Variants in RIC1 observed in about 807,000 individuals in gnomAD.
RIC1 encodes the protein guanine nucleotide exchange factor subunit RIC1.
Under a neutral mutation model 169.0 loss-of-function variants are expected in RIC1, and 88 were observed. That is an observed-to-expected ratio of 0.52 (90% CI 0.44 to 0.62). The LOEUF (loss-of-function observed/expected upper bound fraction) is 0.62, where lower values mean the gene tolerates loss of function less well. RIC1 is among the 20% of genes least tolerant of loss of function. The probability of loss-of-function intolerance (pLI) is 0.00; values close to 1 mark genes in which losing one functional copy is unlikely to be tolerated. For synonymous variants in RIC1, 790 were observed against 601.5 expected, an observed-to-expected ratio of 1.31 and a Z score of -4.59; for missense variants, 1,877 against 1,725.5, an observed-to-expected ratio of 1.09 and a Z score of -1.56.
At position 5,754,904 on chromosome 9, in the gene RIC1, T is replaced by A. The variant is rs773357860; in HGVS notation, c.1666T>A (p.Tyr556Asn). 1 of 1,562,874 alleles carries A rather than the reference T, an allele frequency of 6.4e-7. No homozygotes were observed. The highest frequency in any genetic ancestry group is 8.7e-7 in the Non-Finnish European group (1 of 1,147,028). The change falls in exon 15 of 26, where the codon TAT becomes AAT. Residue 556 changes from tyrosine (Y) to asparagine (N), a missense_variant. Transcript: ENST00000414202. Reference protein sequence around the residue: ...WWNDFMVLACYNINDRQEELR... With the variant: ...WWNDFMVLACNNINDRQEELR... ...GAATGATTTTATGGTCCTTGCGTGT[T>A]ATAACATAAATGACCGTCAAGAAGA...
At chr9:5,647,969 TG>T (rs71326179) in intron 1 of RIC1, among the ~76,000 whole-genome samples, 15,030 of 143,150 alleles carry the variant, frequency 0.1, 1,207 homozygotes, top group African/African-American at 0.23. Context: ...GTGGTGGTGG[TG>T]GTGATGGTGG....
At chr9:5,644,632 T>C (rs1586870743) in intron 1 of RIC1, among the ~76,000 whole-genome samples, 1 of 152,226 alleles carries the variant, frequency 6.6e-6, no homozygotes, top group Admixed American at 6.5e-5. Context: ...TATTTGCATA[T>C]GCCGCATTTC....
At chr9:5,766,007 C>T (rs1023491992) in intron 21 of RIC1, among the ~76,000 whole-genome samples, 13 of 152,148 alleles carry the variant, frequency 8.5e-5, no homozygotes, top group African/African-American at 2.9e-4. Flanking sequence ...GTTTCTGCCC[C>T]TTTTTCTGGA....
At chr9:5,686,920 T>C (rs1821283862) in intron 2 of RIC1, among the ~76,000 whole-genome samples, 1 of 152,184 alleles carries the variant, frequency 6.6e-6, no homozygotes, top group Admixed American at 6.5e-5. Context: ...ATTCAACTGA[T>C]ATTATTTATT....
rs573207878 is a variant in RIC1 at position 5,740,393 on chromosome 9, C to G, written c.901+1855C>G. The stretch of plus-strand genomic sequence containing the variant: ...ACTCCATCCTTAATATTCTGTACCT[C>G]TAGAATCACTCCTGGTACCAATATC... On this transcript the variant is annotated intron_variant, in intron 8 of 25. Coordinates refer to ENST00000414202, the MANE Select transcript of RIC1 (RefSeq NM_020829.4). 3.9e-5 allele frequency among the ~76,000 whole-genome samples: 6 copies of G among 152,092 alleles called. No individual in the cohort carries two copies. In the South Asian group the frequency reaches 8.3e-4, roughly 21 times the overall value.
At chr9:5,694,038 C>T (rs566269566) in intron 3 of RIC1, among the ~76,000 whole-genome samples, 1 of 152,250 alleles carries the variant, frequency 6.6e-6, no homozygotes, top group East Asian at 1.9e-4. Context: ...CCTCTTCCCC[C>T]TCCACCCTCC....
intron 2 of RIC1, among the ~76,000 whole-genome samples, chr9:5,657,948 T>C (rs1225017943): frequency 1.3e-5 from 2 of 152,160 alleles, no homozygotes; most frequent in African/African-American, 4.8e-5. Context: ...CTGATTTATG[T>C]ATTGTCTGTA....
At chr9:5,634,377 G>A (rs902932686) in intron 1 of RIC1, among the ~76,000 whole-genome samples, 1 of 152,082 alleles carries the variant, frequency 6.6e-6, no homozygotes, top group African/African-American at 2.4e-5. Flanking sequence ...TTTTCTCCAC[G>A]TCTTTGCCGA....
At position 5,763,070 on chromosome 9, in the gene RIC1, A is replaced by G. The variant is rs989174225; in HGVS notation, c.2113-70A>G. The G allele has an allele frequency of 7.2e-6, 11 of 1,522,604 alleles. No individual in the cohort carries two copies. The highest frequency in any genetic ancestry group is 9.7e-6 in the Non-Finnish European group (11 of 1,130,784). 94.3% of individuals were successfully genotyped at this position (1,522,604 alleles called of 1,614,324 possible). ...TATCATTTGAAAGACTTAGTAAACT[A>G]GTACCTAGGAACTTAAGAACCTGCA... is the stretch of plus-strand genomic sequence containing the variant. On this transcript the variant is annotated intron_variant, in intron 18 of 25. Coordinates refer to ENST00000414202, the MANE Select transcript of RIC1 (RefSeq NM_020829.4). The surrounding 1 kb of genome is among the most constrained non-coding windows in gnomAD (Gnocchi z 5.2).
intron 4 of RIC1, among the ~76,000 whole-genome samples, chr9:5,717,351 T>C (rs1334066031): frequency 6.6e-6 from 1 of 152,142 alleles, no homozygotes; most frequent in Non-Finnish European, 1.5e-5. Context: ...AGGGAGAATG[T>C]AGTTTGGAAT....
intron 3 of RIC1, among the ~76,000 whole-genome samples, chr9:5,697,315 G>A (rs1034401577): frequency 1.3e-5 from 2 of 152,138 alleles, no homozygotes; most frequent in African/African-American, 4.8e-5. Flanking sequence ...GGTGACTTCT[G>A]CCAGAAAACC....
Position 5,772,904 on chromosome 9 carries a change from C to T in RIC1, c.3807C>T (p.His1269=), listed in dbSNP as rs376399231. Residue 1269 remains histidine (H), a synonymous_variant, in exon 25 of 26, where the codon CAC becomes CAT. Transcript: ENST00000414202. ...KSQVQLRYLL[H]IFMEAGCLDW... Reference sequence around the variant, plus strand: ...TGCTTATATTTAGGTATTTGCTACACATTTTCATGGAGGCAGGGTGCCTAG... The same window carrying T: ...TGCTTATATTTAGGTATTTGCTACATATTTTCATGGAGGCAGGGTGCCTAG... 7.1e-5 allele frequency: 114 copies of T among 1,611,092 alleles called. No individual in the cohort carries two copies. The highest frequency in any genetic ancestry group is 9.3e-5 in the Non-Finnish European group (110 of 1,178,880).
In RIC1 at chr9:5,763,021, GCTT is replaced by G. The variant is rs2131095669; in HGVS notation, c.2113-118_2113-116del. On this transcript the variant is annotated intron_variant, in intron 18 of 25. Coordinates refer to ENST00000414202, the MANE Select transcript of RIC1 (RefSeq NM_020829.4). The surrounding 1 kb of genome is among the most constrained non-coding windows in gnomAD (Gnocchi z 5.2). Reference sequence around the variant, plus strand: ...ACTCTAATTCTAATTAGATCCCTTTGCTTTTCCCAAAAAAATATTATACTATCA... The same window carrying G: ...ACTCTAATTCTAATTAGATCCCTTTGTTCCCAAAAAAATATTATACTATCA... 1 of 1,236,198 alleles carries G rather than the reference GCTT, an allele frequency of 8.1e-7. No homozygotes were observed. The highest frequency in any genetic ancestry group is 1.5e-5 in the African/African-American group (1 of 65,472). 76.6% of individuals were successfully genotyped at this position (1,236,198 alleles called of 1,614,324 possible).
chr9:5,653,836 T>C (rs1818939727), intron 1 of RIC1, among the ~76,000 whole-genome samples: 1 of 152,164 alleles, frequency 6.6e-6, no homozygotes, highest in South Asian at 2.1e-4. Context: ...GACCTGGTGA[T>C]CTGCCTGCCT....
chr9:5,645,120 C>T (rs1818440487), intron 1 of RIC1, among the ~76,000 whole-genome samples: 1 of 151,998 alleles, frequency 6.6e-6, no homozygotes, highest in Admixed American at 6.6e-5. Context: ...GTGATCTGAT[C>T]TTGGGTCACT....
intron 1 of RIC1, among the ~76,000 whole-genome samples, chr9:5,633,131 G>C (rs1817798903): frequency 6.6e-6 from 1 of 152,170 alleles, no homozygotes; most frequent in Admixed American, 6.5e-5. Flanking sequence ...TAAATTATAT[G>C]TCGTTTAGTA....
At chr9:5,768,515 G>A (rs1002709966) in intron 21 of RIC1, among the ~76,000 whole-genome samples, 1 of 152,060 alleles carries the variant, frequency 6.6e-6, no homozygotes, top group African/African-American at 2.4e-5. Context: ...GTGACATTGT[G>A]AAACCTTGTC....
At chr9:5,644,348 G>A (rs1818399165) in intron 1 of RIC1, among the ~76,000 whole-genome samples, 1 of 152,016 alleles carries the variant, frequency 6.6e-6, no homozygotes, top group Admixed American at 6.5e-5. Flanking sequence ...TTTTTATTTA[G>A]CATAATGTTT....
At chr9:5,737,826 A>G (rs915524425) in intron 7 of RIC1, among the ~76,000 whole-genome samples, 6 of 151,396 alleles carry the variant, frequency 4.0e-5, no homozygotes, top group Admixed American at 3.3e-4. Context: ...TTCTTACAAT[A>G]AAGTAAGAGA....
Sources: allele counts gnomAD v4.1 joint callset (sites outside exome capture counted in the v4.1 genomes callset), GRCh38; gene constraint gnomAD v4.1.1; non-coding constraint Gnocchi (gnomAD v3.1); transcripts MANE v1.5; gene names NCBI Gene and HGNC (gene_info 2026-07-23, HGNC 2026-07-21).